The following CEP55 variants were observed in gnomAD, a reference collection of about 807,000 sequenced individuals.
CEP55 encodes the protein centrosomal protein of 55 kDa.
Under a neutral mutation model 63.2 loss-of-function variants are expected in CEP55, and 57 were observed. The observed-to-expected ratio is 0.90, with a 90% CI of 0.73 to 1.13. CEP55 has a LOEUF of 1.13. Ranked by LOEUF, CEP55 falls within the 50% of genes most tolerant of loss-of-function variation. The pLI, the probability that CEP55 is intolerant of heterozygous loss-of-function variation, is 0.00. For missense variants in CEP55, 456 were observed against 518.9 expected, an observed-to-expected ratio of 0.88 and a Z score of 1.18; for synonymous variants, 178 against 191.6, an observed-to-expected ratio of 0.93 and a Z score of 0.59.
At position 93,500,203 on chromosome 10, in the gene CEP55, T is replaced by A. The variant is rs2057618384; in HGVS notation, c.152T>A (p.Leu51Gln). 6.2e-7 allele frequency: 1 copy of A among 1,613,010 alleles called. No individual in the cohort carries two copies. The highest frequency in any genetic ancestry group is 1.7e-5 in the Admixed American group (1 of 59,648). The change falls in exon 2 of 9, where the codon CTG becomes CAG. Residue 51 changes from leucine to glutamine, a missense_variant. Coordinates refer to ENST00000371485, the MANE Select transcript of CEP55 (RefSeq NM_018131.5). ...GAAATCACAAGTGGGAAAGGAAAGC[T>A]GACTGATAAAGAGAGACACAGACTT... is the stretch of plus-strand genomic sequence containing the variant. ...VDEITSGKGKLTDKERHRLLE... is the reference protein window; with the variant it reads ...VDEITSGKGKQTDKERHRLLE...
rs1347361295 is a variant in CEP55, at chr10:93,529,012, T to C, written c.*859T>C. The C allele has an allele frequency of 6.6e-6, 1 of 152,196 alleles. No homozygotes were observed. The highest frequency in any genetic ancestry group is 1.5e-5 in the Non-Finnish European group (1 of 68,042). 9.4% of individuals were successfully genotyped at this position (152,196 alleles called of 1,614,324 possible). On this transcript the variant is annotated 3_prime_UTR_variant, in exon 9 of 9. Transcript: ENST00000371485. ...CATGCTTTTTGTAAACCAAAAACTT[T>C]TAAATTTCTTCAGGTTTTCTAACAT...
At chr10:93,498,486 T>C (rs1401608933) in intron 1 of CEP55, among the ~76,000 whole-genome samples, 5 of 152,190 alleles carry the variant, frequency 3.3e-5, no homozygotes, top group Non-Finnish European at 4.4e-5. Flanking sequence ...TAACCTTGCA[T>C]TTCTTTAACT....
At chr10:93,524,912 A>G (rs1316107742) in intron 8 of CEP55, among the ~76,000 whole-genome samples, 11 of 152,128 alleles carry the variant, frequency 7.2e-5, no homozygotes, top group Non-Finnish European at 1.6e-4. Context: ...AAAACTCTCA[A>G]TAAATTAGGT....
chr10:93,519,924 G>A, intron 8 of CEP55, 117 bp downstream of exon 8: 1 of 1,133,624 alleles, frequency 8.8e-7, no homozygotes, highest in Admixed American at 1.8e-5. Flanking sequence ...CAAATCAGTA[G>A]GTAGAGCCTC....
At chr10:93,503,733 A>G (rs1321961053) in intron 3 of CEP55, among the ~76,000 whole-genome samples, 3 of 152,076 alleles carry the variant, frequency 2.0e-5, no homozygotes, top group African/African-American at 4.8e-5. Context: ...GTTATTTTTC[A>G]TATTTGAAAC....
intron 3 of CEP55, 49 bp downstream of exon 3, chr10:93,503,437 G>A (rs753307422): frequency 2.0e-6 from 3 of 1,533,728 alleles, no homozygotes; most frequent in Non-Finnish European, 8.8e-7. Context: ...TTCTGATACA[G>A]TTTGTAATTC....
chr10:93,514,000 A>C (rs1249380594), intron 4 of CEP55, among the ~76,000 whole-genome samples: 2 of 146,166 alleles, frequency 1.4e-5, no homozygotes, highest in African/African-American at 2.5e-5. Flanking sequence ...GTTGGAGTGC[A>C]GTGGCGCAAT....
intron 1 of CEP55, among the ~76,000 whole-genome samples, chr10:93,499,628 T>C (rs1262741352): frequency 6.6e-6 from 1 of 151,698 alleles, no homozygotes; most frequent in Non-Finnish European, 1.5e-5. Context: ...CTCAAGCGAT[T>C]CTCCTGCCTC....
chr10:93,506,940 C>A, intron 3 of CEP55, 48 bp from the exon 4 acceptor site: 1 of 1,211,060 alleles, frequency 8.3e-7, no homozygotes, highest in Non-Finnish European at 1.2e-6. Flanking sequence ...AATGAGGCAA[C>A]TTCTATTGTG....
intron 8 of CEP55, among the ~76,000 whole-genome samples, chr10:93,526,284 G>A (rs190040460): frequency 0.028 from 4,214 of 152,224 alleles, 103 homozygotes; most frequent in Admixed American, 0.042. Flanking sequence ...GATATGAATA[G>A]ACACTTCTCA....
chr10:93,507,958 C>A (rs2037616), intron 4 of CEP55, among the ~76,000 whole-genome samples: 80,720 of 152,174 alleles, frequency 0.53, 23,430 homozygotes, highest in Non-Finnish European at 0.65. Flanking sequence ...CCATTTTATT[C>A]TTATAATGTA....
intron 2 of CEP55, among the ~76,000 whole-genome samples, chr10:93,502,392 C>G (rs923520560): frequency 6.6e-6 from 1 of 152,088 alleles, no homozygotes; most frequent in African/African-American, 2.4e-5. Context: ...TTAAATTTTC[C>G]CCATTTTATA....
chr10:93,517,204 A>G lies in CEP55; in HGVS notation c.949A>G (p.Lys317Glu), dbSNP rs779570819. 2 of 1,609,526 alleles carry G rather than the reference A, an allele frequency of 1.2e-6. No homozygotes were observed. Among genetic ancestry groups the G allele is most frequent in the Non-Finnish European group, 1.7e-6 (2 of 1,178,144 alleles). The change falls in exon 6 of 9, where the codon AAA becomes GAA. Residue 317 changes from lysine (K) to glutamate (E), a missense_variant. By Grantham distance (56) the Lys-to-Glu change is moderately conservative. Coordinates refer to ENST00000371485, the MANE Select transcript of CEP55 (RefSeq NM_018131.5). ...LREENDIARG[K>E]LEEEKKRSEE... ...GGAAGAGAATGATATTGCTAGGGGA[A>G]AACTTGAAGAAGAGAAGAAGAGATC...
chr10:93,519,752 T>C lies in CEP55; in HGVS notation c.1136T>C (p.Val379Ala), dbSNP rs199929244. 40 of 1,614,056 alleles carry C rather than the reference T, an allele frequency of 2.5e-5. No homozygotes were observed. The highest frequency in any genetic ancestry group is 1.7e-4 in the Admixed American group (10 of 60,006). The change falls in exon 8 of 9, where the codon GTA (valine) becomes GCA (alanine). Residue 379 changes from valine to alanine, a missense_variant. Val to Ala is a moderately conservative substitution (Grantham distance 64). Transcript: ENST00000371485. ...DRQHVQHQLHVILKELRKARN... is the reference protein window; with the variant it reads ...DRQHVQHQLHAILKELRKARN... ...CAACATGTGCAGCATCAATTGCATGTAATTCTTAAGGAGCTCCGAAAAGCA... is the reference window on the plus strand; with the variant it reads ...CAACATGTGCAGCATCAATTGCATGCAATTCTTAAGGAGCTCCGAAAAGCA...
intron 8 of CEP55, among the ~76,000 whole-genome samples, chr10:93,523,902 A>G (rs2057891617): frequency 6.6e-6 from 1 of 152,264 alleles, no homozygotes; most frequent in Non-Finnish European, 1.5e-5. Flanking sequence ...GAGAACAAAG[A>G]TGCAACATAC....
At chr10:93,498,418 A>G (rs1163329816) in intron 1 of CEP55, among the ~76,000 whole-genome samples, 1 of 152,198 alleles carries the variant, frequency 6.6e-6, no homozygotes, top group Non-Finnish European at 1.5e-5. Flanking sequence ...ACAGTGTGTT[A>G]TCAACAGAAA....
At chr10:93,510,936 A>G (rs1360203442) in intron 4 of CEP55, among the ~76,000 whole-genome samples, 4 of 116,884 alleles carry the variant, frequency 3.4e-5, no homozygotes, top group African/African-American at 1.3e-4. Context: ...ATTCCACAGG[A>G]CTTTTTTTTT....
chr10:93,509,156 AT>A (rs1284145208), intron 4 of CEP55, among the ~76,000 whole-genome samples: 1 of 152,176 alleles, frequency 6.6e-6, no homozygotes, highest in African/African-American at 2.4e-5. Context: ...ACCTGAGGGT[AT>A]TTTTAGATAA....
rs779525511 is a variant in CEP55, at chr10:93,500,028, T to G, written c.-12-12T>G. ...AAACTCAGAATTATACAGTTGATTT[T>G]TATTTTTACAGACCATTTCAGAGAT... On this transcript the variant is annotated splice_polypyrimidine_tract_variant and intron_variant, in intron 1 of 8. Coordinates refer to ENST00000371485, the MANE Select transcript of CEP55 (RefSeq NM_018131.5). The G allele has an allele frequency of 6.4e-7, 1 of 1,557,478 alleles. No homozygotes were observed. The highest frequency in any genetic ancestry group is 2.2e-5 in the East Asian group (1 of 44,626).
Sources: allele counts gnomAD v4.1 joint callset (sites outside exome capture counted in the v4.1 genomes callset), GRCh38; gene constraint gnomAD v4.1.1; transcripts MANE v1.5; gene names NCBI Gene and HGNC (gene_info 2026-07-23, HGNC 2026-07-21).